Variants in DISP1 observed in about 807,000 individuals in gnomAD.
The protein encoded by DISP1 is protein dispatched homolog 1.
Under a neutral mutation model 37.3 loss-of-function variants are expected in DISP1, and 30 were observed. That is an observed-to-expected ratio of 0.80 (90% CI 0.60 to 1.09). The LOEUF (loss-of-function observed/expected upper bound fraction) is 1.09, where lower values mean the gene tolerates loss of function less well. Ranked by LOEUF, DISP1 falls within the 50% of genes least tolerant of loss-of-function variation. The pLI, the probability that DISP1 is intolerant of heterozygous loss-of-function variation, is 0.00. For synonymous variants in DISP1, 634 were observed against 690.2 expected (o/e 0.92, Z 1.28); for missense variants, 1,598 against 1,879.5 (o/e 0.85, Z 2.77).
intron 1 of DISP1, among the ~76,000 whole-genome samples, chr1:222,862,848 A>C (rs1242328331): frequency 6.6e-6 from 1 of 152,054 alleles, no homozygotes; most frequent in Non-Finnish European, 1.5e-5. Flanking sequence ...TATCTTTTGC[A>C]GCTATTTTTT....
chr1:222,990,242 G>T (rs1199951463), intron 4 of DISP1, among the ~76,000 whole-genome samples: 1 of 152,164 alleles, frequency 6.6e-6, no homozygotes, highest in Non-Finnish European at 1.5e-5. Context: ...TTGGAGTATG[G>T]ATCCTCTGTT....
rs71178523 is a variant in DISP1, at chr1:222,992,864, A to AT, written c.889+768dup. 8.6e-3 allele frequency among the ~76,000 whole-genome samples: 1,016 copies of AT among 118,616 alleles called. 33 individuals carry two copies. The highest frequency in any genetic ancestry group is 0.01 in the Non-Finnish European group (606 of 59,306). 77.8% of individuals were successfully genotyped at this position (118,616 alleles called of 152,430 possible). ...ACTTGCCAGAGGTCAAAAACCCAGA[A>AT]TTTTTTTTTTTTTTGAGACAGAGTT... On this transcript the variant is annotated intron_variant, in intron 7 of 8. Coordinates refer to ENST00000675850, the MANE Select transcript of DISP1 (RefSeq NM_001377229.1).
chr1:222,984,192 G>T (rs905275860), intron 4 of DISP1, among the ~76,000 whole-genome samples: 1 of 151,982 alleles, frequency 6.6e-6, no homozygotes. Context: ...GATCACTTGA[G>T]GTCAGGAGTT....
intron 1 of DISP1, among the ~76,000 whole-genome samples, chr1:222,897,278 A>G (rs1199148877): frequency 6.6e-6 from 1 of 152,192 alleles, no homozygotes; most frequent in Non-Finnish European, 1.5e-5. Flanking sequence ...CAAAACTATG[A>G]TGATAGAAAT....
At chr1:222,864,187 A>T (rs1669045313) in intron 1 of DISP1, among the ~76,000 whole-genome samples, 2 of 152,192 alleles carry the variant, frequency 1.3e-5, no homozygotes, top group Admixed American at 1.3e-4. Flanking sequence ...CTCCATATTC[A>T]CAACTCCCAT....
intron 2 of DISP1, among the ~76,000 whole-genome samples, chr1:222,937,220 G>T (rs1038228437): frequency 6.7e-6 from 1 of 150,112 alleles, no homozygotes; most frequent in Non-Finnish European, 1.5e-5. Flanking sequence ...CTCCTGAGTC[G>T]CTCGGACTAC....
intron 3 of DISP1, among the ~76,000 whole-genome samples, chr1:222,948,414 GCTAT>G (rs1333879994): frequency 6.6e-6 from 1 of 152,202 alleles, no homozygotes; most frequent in East Asian, 1.9e-4. Flanking sequence ...CGATAGAGCT[GCTAT>G]CTATGTATGG....
rs1243586885 is a variant in DISP1, at chr1:222,982,051, CAT to C, written c.510-1028_510-1027del. On this transcript the variant is annotated intron_variant, in intron 3 of 8. Coordinates refer to ENST00000675850, the MANE Select transcript of DISP1 (RefSeq NM_001377229.1). ...CTCATTAAAAATAATAAGCCCATTACATGTTAACATAAATAACACATTTTGTG... is the reference window on the plus strand; with the variant it reads ...CTCATTAAAAATAATAAGCCCATTACGTTAACATAAATAACACATTTTGTG... 3.3e-5 allele frequency among the ~76,000 whole-genome samples: 5 copies of C among 152,276 alleles called. No individual in the cohort carries two copies. In the South Asian group the frequency reaches 8.3e-4, roughly 25 times the overall value.
At chr1:222,959,893 A>G (rs1675923089) in intron 3 of DISP1, among the ~76,000 whole-genome samples, 1 of 152,062 alleles carries the variant, frequency 6.6e-6, no homozygotes, top group Non-Finnish European at 1.5e-5. Context: ...AGGACATTAC[A>G]TAATGGTAAA....
At chr1:222,937,029 A>G (rs1487920654) in intron 2 of DISP1, among the ~76,000 whole-genome samples, 1 of 111,664 alleles carries the variant, frequency 9.0e-6, no homozygotes, top group Non-Finnish European at 1.8e-5. Flanking sequence ...TATATATTAC[A>G]TATTATATAA....
intron 1 of DISP1, among the ~76,000 whole-genome samples, chr1:222,868,300 G>A (rs1669314872): frequency 6.6e-6 from 1 of 151,858 alleles, no homozygotes; most frequent in Non-Finnish European, 1.5e-5. Context: ...AAGTTGCAGA[G>A]TAATATGTGT....
In DISP1 at chr1:223,004,432, C is replaced by G; in HGVS notation, c.3035C>G (p.Ala1012Gly). ...TGGAACATCATCATAAGCCTTTATG[C>G]CATCATTTCAATTGCTGGAACGATA... ...TTWNIIISLY[A>G]IISIAGTIFV... Residue 1012 changes from alanine (A) to glycine (G), a missense_variant, in exon 9 of 9, where the codon GCC becomes GGC. Coordinates refer to ENST00000675850, the MANE Select transcript of DISP1 (RefSeq NM_001377229.1). The surrounding 1 kb of genome is among the most constrained non-coding windows in gnomAD (Gnocchi z 4.9). 1 of 1,614,200 alleles carries G rather than the reference C, an allele frequency of 6.2e-7. No homozygotes were observed. Among genetic ancestry groups the G allele is most frequent in the Non-Finnish European group, 8.5e-7 (1 of 1,180,036 alleles).
chr1:222,995,048 CT>C lies in DISP1; in HGVS notation c.987+67del, dbSNP rs1217335718. The C allele has an allele frequency of 1.9e-5, 24 of 1,277,742 alleles. No homozygotes were observed. The African/African-American group carries it at 3.5e-4, about 19-fold the overall frequency. 79.2% of individuals were successfully genotyped at this position (1,277,742 alleles called of 1,614,324 possible). A position where few individuals can be genotyped will look rare whatever the true frequency, so the allele number is the denominator to read the frequency against. On this transcript the variant is annotated intron_variant, in intron 8 of 8. Transcript: ENST00000675850. ...GGTTGTATTATTGAAACTCCTTTTACTGCTGACCCTGGTTTCTGATCAGATG... is the reference window on the plus strand; with the variant it reads ...GGTTGTATTATTGAAACTCCTTTTACGCTGACCCTGGTTTCTGATCAGATG...
chr1:222,869,688 T>C (rs1024868630), intron 1 of DISP1, among the ~76,000 whole-genome samples: 3 of 152,176 alleles, frequency 2.0e-5, no homozygotes, highest in African/African-American at 7.2e-5. Flanking sequence ...GATAGTAAGA[T>C]AATTATAAAG....
In DISP1 at chr1:222,847,672, A is replaced by G. The variant is rs559110368; in HGVS notation, c.-159+32594A>G. Among the ~76,000 whole-genome samples the G allele has an allele frequency of 2.6e-5, 4 of 151,804 alleles. 1 individual carries two copies. The East Asian group carries it at 5.8e-4, about 22-fold the overall frequency. ...CTCTTGCAGTGGAAACCTGGATTCT[A>G]TTAAGTCAATATATTTTGCTCCAAG... On this transcript the variant is annotated intron_variant, in intron 1 of 8. Transcript: ENST00000675850.
chr1:222,890,612 A>G (rs186576454), intron 1 of DISP1, among the ~76,000 whole-genome samples: 10 of 152,304 alleles, frequency 6.6e-5, no homozygotes, highest in African/African-American at 1.9e-4. Flanking sequence ...AATCTGAGCT[A>G]CAACTAGGTG....
chr1:223,003,660 T>C lies in DISP1; in HGVS notation c.2263T>C (p.Phe755Leu). 6.2e-7 allele frequency: 1 copy of C among 1,614,190 alleles called. No individual in the cohort carries two copies. The highest frequency in any genetic ancestry group is 8.5e-7 in the Non-Finnish European group (1 of 1,180,034). Residue 755 changes from phenylalanine (F) to leucine (L), a missense_variant, in exon 9 of 9, where the codon TTC becomes CTC. Physicochemically the swap from Phe to Leu is conservative, Grantham distance 22. Coordinates refer to ENST00000675850, the MANE Select transcript of DISP1 (RefSeq NM_001377229.1). This position sits in a 1 kb window ranked among gnomAD's most constrained non-coding sequence, Gnocchi z 4.3. ...ACTGGAGTTATCCGAGTTCCAGGTG[T>C]TCCGGTCGTCCCATCCTTTTGAGCG... The part of the protein sequence containing the change: ...PSLELSEFQV[F>L]RSSHPFERYD...
intron 1 of DISP1, among the ~76,000 whole-genome samples, chr1:222,922,016 T>G (rs1486239190): frequency 2.0e-5 from 3 of 152,170 alleles, no homozygotes; most frequent in Non-Finnish European, 4.4e-5. Flanking sequence ...TGCTGTGTGT[T>G]GTGAAGAATG....
intron 1 of DISP1, among the ~76,000 whole-genome samples, chr1:222,844,257 G>A (rs1558288567): frequency 2.0e-5 from 3 of 152,134 alleles, no homozygotes; most frequent in Non-Finnish European, 4.4e-5. Flanking sequence ...AAATCAGGTT[G>A]AAGATTAAGT....
Sources: gnomAD v4.1 joint callset for allele counts (sites outside exome capture counted in the v4.1 genomes callset) on GRCh38, gnomAD v4.1.1 for gene constraint, Gnocchi (gnomAD v3.1) non-coding constraint, MANE v1.5 for transcripts, NCBI Gene and HGNC (gene_info 2026-07-23, HGNC 2026-07-21) for gene names.